GARS1: variants seen among roughly 807,000 people sequenced by gnomAD.
GARS1 encodes the protein glycine--tRNA ligase.
GARS1 carries 46 observed loss-of-function variants against 86.4 expected under a neutral mutation model. That is an observed-to-expected ratio of 0.53 (90% CI 0.42 to 0.68). The LOEUF (loss-of-function observed/expected upper bound fraction) is 0.68. GARS1 is among the 30% of genes least tolerant of loss of function. The pLI is 0.00. For missense variants in GARS1, 797 were observed against 915.6 expected (o/e 0.87, Z 1.67); for synonymous variants, 342 against 329.8 (o/e 1.04, Z -0.40).
chr7:30,624,156 T>G (rs1278708879), intron 12 of GARS1, among the ~76,000 whole-genome samples: 1 of 152,114 alleles, frequency 6.6e-6, no homozygotes. Context: ...TAGTGTATTT[T>G]ATGTGCAGTC....
chr7:30,614,871 C>CAA (rs60532382), intron 8 of GARS1, among the ~76,000 whole-genome samples: 1,881 of 81,454 alleles, frequency 0.023, 47 homozygotes, highest in African/African-American at 0.065. Flanking sequence ...GACTCCGTCT[C>CAA]AAAAAAAAAA....
In GARS1 at chr7:30,598,872, C is replaced by A. The variant is rs1444382015; in HGVS notation, c.299C>A (p.Ala100Asp). ...DVDKAVAELK[A>D]RKRVLEAKEL... ...GACAAAGCAGTGGCTGAGCTCAAAG[C>A]CCGCAAGAGGGTTCTGGAAGCAAAG... Residue 100 changes from alanine to aspartate, a missense_variant, in exon 2 of 17, where the codon GCC becomes GAC. Ala to Asp is a moderately radical substitution (Grantham distance 126). This residue lies in a region of GARS1 where 199 missense variants were observed against 176.9 expected (regional missense o/e 1.12). Coordinates refer to ENST00000389266, the MANE Select transcript of GARS1 (RefSeq NM_002047.4). The A allele has an allele frequency of 6.2e-7, 1 of 1,614,034 alleles. No individual in the cohort carries two copies. The highest frequency in any genetic ancestry group is 1.7e-5 in the Admixed American group (1 of 60,014).
At chr7:30,622,650 CTTT>C in intron 12 of GARS1, 188 bp downstream of exon 12, 1 of 494,924 alleles carries the variant, frequency 2.0e-6, no homozygotes, top group Non-Finnish European at 3.5e-6. Context: ...ATAGAATATA[CTTT>C]TTTTTTTTCC....
chr7:30,612,395 C>A, intron 8 of GARS1, 150 bp downstream of exon 8: 1 of 831,458 alleles, frequency 1.2e-6, no homozygotes. Context: ...CATTTGGAAT[C>A]TCTAAATGTA....
Position 30,622,287 on chromosome 7 carries a change from G to A in GARS1, c.1468-30G>A, listed in dbSNP as rs770427337. 3.2e-5 allele frequency: 51 copies of A among 1,613,464 alleles called. No individual in the cohort carries two copies. The Admixed American group carries it at 4.2e-4, about 13-fold the overall frequency. On this transcript the variant is annotated intron_variant, in intron 11 of 16. Transcript: ENST00000389266. ...TTTTCTGAAATACTGAGGCAGTGCT[G>A]TAGTTTTGGATTCCTTGACTACTTC...
chr7:30,620,474 C>T (rs1478420121), intron 10 of GARS1, among the ~76,000 whole-genome samples: 5 of 152,188 alleles, frequency 3.3e-5, no homozygotes, highest in African/African-American at 9.7e-5. Flanking sequence ...GCTCCATCCT[C>T]ATGACCTAAT....
At chr7:30,615,076 A>C (rs943196646) in intron 8 of GARS1, among the ~76,000 whole-genome samples, 2 of 152,178 alleles carry the variant, frequency 1.3e-5, no homozygotes, top group African/African-American at 2.4e-5. Context: ...TAGCTACTAA[A>C]TTGCATTCAG....
chr7:30,631,314 A>T (rs1275280721), intron 14 of GARS1, 134 bp from the exon 15 acceptor site: 1 of 671,822 alleles, frequency 1.5e-6, no homozygotes, highest in East Asian at 3.1e-5. Flanking sequence ...TTTTCATGTC[A>T]TGTTTTCTGG....
At position 30,633,998 on chromosome 7, in the gene GARS1, AC is replaced by A. The variant is rs1261916508; in HGVS notation, c.*143del. On this transcript the variant is annotated 3_prime_UTR_variant, in exon 17 of 17. Coordinates refer to ENST00000389266, the MANE Select transcript of GARS1 (RefSeq NM_002047.4). ...TTATCTTCAGTGGCTGCCTGATTTTACCCCCACAATTAAAGTTGAAGGAATC... is the reference window on the plus strand; with the variant it reads ...TTATCTTCAGTGGCTGCCTGATTTTACCCCACAATTAAAGTTGAAGGAATC... 7.7e-6 allele frequency: 8 copies of A among 1,034,016 alleles called. No individual in the cohort carries two copies. The South Asian group carries it at 1.0e-4, about 14-fold the overall frequency. The allele number at this position is 1,034,016 out of a possible 1,614,324, so 64.1% of individuals were successfully genotyped here.
At chr7:30,627,854 TA>T (rs1354363009) in intron 13 of GARS1, among the ~76,000 whole-genome samples, 6 of 152,266 alleles carry the variant, frequency 3.9e-5, no homozygotes, top group Non-Finnish European at 7.3e-5. Flanking sequence ...CCAGCTGTGT[TA>T]GATTTTAAAT....
chr7:30,603,424 T>C (rs568663673), intron 5 of GARS1, 72 bp from the exon 6 acceptor site: 1 of 1,204,284 alleles, frequency 8.3e-7, no homozygotes, highest in Non-Finnish European at 1.2e-6. Context: ...TTTTTAATTG[T>C]CTAGCATTGA....
chr7:30,628,644 T>C lies in GARS1; in HGVS notation c.1784T>C (p.Val595Ala), dbSNP rs373694973. ...ACGGTATTTGAACATACATTCCATGTACGAGAAGGAGATGAACAGAGAACA... is the reference window on the plus strand; with the variant it reads ...ACGGTATTTGAACATACATTCCATGCACGAGAAGGAGATGAACAGAGAACA... ...MYTVFEHTFH[V>A]REGDEQRTFF... Residue 595 changes from valine (V) to alanine (A), a missense_variant, in exon 14 of 17, where the codon GTA becomes GCA. Val to Ala is a moderately conservative substitution (Grantham distance 64). Transcript: ENST00000389266. 9.3e-6 allele frequency: 15 copies of C among 1,611,278 alleles called. No homozygotes were observed. The highest frequency in any genetic ancestry group is 1.3e-5 in the African/African-American group (1 of 74,894).
chr7:30,622,593 CTG>C (rs1783036961), intron 12 of GARS1, 131 bp downstream of exon 12: 2 of 1,063,982 alleles, frequency 1.9e-6, no homozygotes, highest in Non-Finnish European at 2.9e-6. Context: ...ATTTAAAAGA[CTG>C]TCTTTGCCGA....
chr7:30,626,604 G>A lies in GARS1; in HGVS notation c.1699+285G>A, dbSNP rs77121610. Among the ~76,000 whole-genome samples the A allele has an allele frequency of 0.092, 13,991 of 152,242 alleles. 1,245 individuals carry two copies. Among genetic ancestry groups the A allele is most frequent in the African/African-American group, 0.23 (9,483 of 41,532 alleles). On this transcript the variant is annotated intron_variant, in intron 13 of 16. Transcript: ENST00000389266. ...AGGCTCAAGCAGTCCACCTGCCTTC[G>A]CGTCCCAAAGTGCTGAGATTACAGG...
chr7:30,609,932 A>G (rs1205875784), intron 7 of GARS1, among the ~76,000 whole-genome samples: 1 of 152,218 alleles, frequency 6.6e-6, no homozygotes, highest in Non-Finnish European at 1.5e-5. Flanking sequence ...TTTGGCATAT[A>G]TGTATTTTTT....
chr7:30,600,980 A>G, intron 3 of GARS1, 79 bp from the exon 4 acceptor site: 1 of 1,303,244 alleles, frequency 7.7e-7, no homozygotes, highest in South Asian at 1.2e-5. Context: ...GAGTATAGGT[A>G]TCAGTTTCTC....
In GARS1 at chr7:30,601,074, A is replaced by C. The variant is rs764096597; in HGVS notation, c.443A>C (p.Tyr148Ser). The C allele has an allele frequency of 6.2e-7, 1 of 1,614,004 alleles. No homozygotes were observed. The highest frequency in any genetic ancestry group is 8.5e-7 in the Non-Finnish European group (1 of 1,179,912). Residue 148 changes from tyrosine (Y) to serine (S), a missense_variant, in exon 4 of 17, where the codon TAT (tyrosine) becomes TCT (serine). By Grantham distance (144) the Tyr-to-Ser change is moderately radical. Transcript: ENST00000389266. The part of the protein sequence containing the change: ...FAIYGGVSGL[Y>S]DFGPVGCALK... ...TATTCTATAGGTGTTAGTGGTCTGTATGACTTTGGGCCAGTTGGCTGTGCT... is the reference window on the plus strand; with the variant it reads ...TATTCTATAGGTGTTAGTGGTCTGTCTGACTTTGGGCCAGTTGGCTGTGCT...
rs758781247 is a variant in GARS1 at position 30,617,292 on chromosome 7, T to C, written c.1359+14T>C. On this transcript the variant is annotated intron_variant, in intron 10 of 16. Transcript: ENST00000389266. Reference sequence around the variant, plus strand: ...AAAACATCCTACGTAAGTGGAGTGCTGTTTACCATGTGATTTTCACATTGT... The same window carrying C: ...AAAACATCCTACGTAAGTGGAGTGCCGTTTACCATGTGATTTTCACATTGT... 2 of 1,613,146 alleles carry C rather than the reference T, an allele frequency of 1.2e-6. No individual in the cohort carries two copies. Among genetic ancestry groups the C allele is most frequent in the Non-Finnish European group, 1.7e-6 (2 of 1,179,386 alleles).
chr7:30,611,505 A>T (rs1303557612), intron 7 of GARS1, among the ~76,000 whole-genome samples: 3 of 152,040 alleles, frequency 2.0e-5, no homozygotes, highest in Admixed American at 6.6e-5. Context: ...TTGTTTTGAG[A>T]TGGAGTTTCG....
Sources: allele counts gnomAD v4.1 joint callset (sites outside exome capture counted in the v4.1 genomes callset), GRCh38; gene constraint gnomAD v4.1.1; regional missense constraint gnomAD v4.1.1; transcripts MANE v1.5; gene names NCBI Gene and HGNC (gene_info 2026-07-23, HGNC 2026-07-21).